The following FAM227B variants were observed in gnomAD, a reference collection of about 807,000 sequenced individuals.
FAM227B encodes protein FAM227B.
In FAM227B, 88 loss-of-function variants were observed where a neutral mutation model predicts 73.8. The ratio of observed to expected loss-of-function variants is 1.19; its 90% confidence interval spans 1.00 to 1.42. The LOEUF (loss-of-function observed/expected upper bound fraction) is 1.42, where lower values mean the gene tolerates loss of function less well. Among genes scored for constraint, FAM227B ranks in the 40% most tolerant of loss-of-function variants. The pLI is 0.00. For synonymous variants in FAM227B, 210 were observed against 190.5 expected (o/e 1.10, Z -0.84); for missense variants, 632 against 590.9 (o/e 1.07, Z -0.72).
At chr15:49,354,875 G>C (rs1476545760) in intron 13 of FAM227B, among the ~76,000 whole-genome samples, 2 of 152,002 alleles carry the variant, frequency 1.3e-5, no homozygotes, top group African/African-American at 2.4e-5. Flanking sequence ...GGTTCTCCCA[G>C]CATGCAGCTG....
chr15:49,536,346 A>C (rs541830445), intron 10 of FAM227B, among the ~76,000 whole-genome samples: 60 of 152,034 alleles, frequency 3.9e-4, no homozygotes, highest in African/African-American at 1.4e-3. Context: ...ATAACTATTT[A>C]AGAATAAATT....
chr15:49,466,582 A>G (rs1015894771), intron 11 of FAM227B, among the ~76,000 whole-genome samples: 1 of 152,168 alleles, frequency 6.6e-6, no homozygotes, highest in Non-Finnish European at 1.5e-5. Context: ...TTTATAACAT[A>G]TATCTTATGA....
chr15:49,462,514 T>A (rs2053894267), intron 11 of FAM227B, among the ~76,000 whole-genome samples: 2 of 152,208 alleles, frequency 1.3e-5, no homozygotes, highest in Non-Finnish European at 2.9e-5. Context: ...TGTTAAAAAG[T>A]CTCTACTGAT....
intron 11 of FAM227B, among the ~76,000 whole-genome samples, chr15:49,420,616 C>T (rs573980345): frequency 6.6e-6 from 1 of 152,064 alleles, no homozygotes; most frequent in Non-Finnish European, 1.5e-5. Flanking sequence ...GGATATGGAA[C>T]AGAATAAGAT....
chr15:49,605,472 A>T lies in FAM227B; in HGVS notation c.105+5743T>A, dbSNP rs561100345. Among the ~76,000 whole-genome samples, 35 of 152,304 alleles carry T rather than the reference A, an allele frequency of 2.3e-4. No individual in the cohort carries two copies. The South Asian group carries it at 7.3e-3, about 32-fold the overall frequency. On this transcript the variant is annotated intron_variant, in intron 3 of 15. Transcript: ENST00000299338. Reference sequence around the variant, plus strand: ...CACTTAATCTGTGGAGGCAGGACTGAAGCCTGGGTCCACAGGGGCCAACCT... The same window carrying T: ...CACTTAATCTGTGGAGGCAGGACTGTAGCCTGGGTCCACAGGGGCCAACCT...
intron 10 of FAM227B, among the ~76,000 whole-genome samples, chr15:49,514,109 A>G (rs1172835912): frequency 6.6e-6 from 1 of 152,118 alleles, no homozygotes; most frequent in East Asian, 1.9e-4. Flanking sequence ...TGAATTTTAA[A>G]GTAGTTTTTG....
intron 11 of FAM227B, among the ~76,000 whole-genome samples, chr15:49,501,742 T>C (rs541462172): frequency 6.6e-6 from 1 of 152,254 alleles, no homozygotes; most frequent in East Asian, 1.9e-4. Flanking sequence ...CAAGTGCTAA[T>C]AACCAAGACA....
chr15:49,441,309 A>G (rs1395785739), intron 11 of FAM227B, among the ~76,000 whole-genome samples: 3 of 151,824 alleles, frequency 2.0e-5, no homozygotes, highest in African/African-American at 7.2e-5. Context: ...CTGCAGTGTT[A>G]TAGGCTCATT....
At chr15:49,399,670 C>T (rs2151623864) in intron 11 of FAM227B, among the ~76,000 whole-genome samples, 1 of 150,186 alleles carries the variant, frequency 6.7e-6, no homozygotes, top group Admixed American at 6.7e-5. Context: ...TGGGCTTCAT[C>T]CCTGGGATGC....
intron 8 of FAM227B, among the ~76,000 whole-genome samples, chr15:49,570,150 A>G (rs2074986487): frequency 6.6e-6 from 1 of 152,066 alleles, no homozygotes. Flanking sequence ...ATGTATATCC[A>G]GAAGTGGGAT....
At chr15:49,425,826 A>T (rs1207660683) in intron 11 of FAM227B, among the ~76,000 whole-genome samples, 1 of 151,736 alleles carries the variant, frequency 6.6e-6, no homozygotes, top group Non-Finnish European at 1.5e-5. Flanking sequence ...TATTATTATT[A>T]CTGAGATTAA....
intron 11 of FAM227B, chr15:49,487,813 T>A (rs1380501239): frequency 6.6e-6 from 1 of 152,004 alleles, no homozygotes; most frequent in African/African-American, 2.4e-5. Context: ...TGCGTTAATA[T>A]GACAATGTCT....
intron 13 of FAM227B, among the ~76,000 whole-genome samples, chr15:49,350,464 A>G (rs1233355073): frequency 6.6e-6 from 1 of 152,236 alleles, no homozygotes; most frequent in East Asian, 1.9e-4. Flanking sequence ...ACTGGATCAC[A>G]TACTAATTCT....
At chr15:49,357,781 CAA>C (rs925412132) in intron 13 of FAM227B, among the ~76,000 whole-genome samples, 1 of 151,750 alleles carries the variant, frequency 6.6e-6, no homozygotes, top group South Asian at 2.1e-4. Flanking sequence ...AGAGACACAA[CAA>C]AAAAAGAGAA....
At chr15:49,404,575 G>A (rs1375616676) in intron 11 of FAM227B, among the ~76,000 whole-genome samples, 1 of 151,834 alleles carries the variant, frequency 6.6e-6, no homozygotes, top group African/African-American at 2.4e-5. Context: ...CTGACATTAG[G>A]ATTGCAACTC....
Position 49,369,900 on chromosome 15 carries a change from A to G in FAM227B, c.1110+1402T>C, listed in dbSNP as rs140443847. On this transcript the variant is annotated intron_variant, in intron 12 of 15. Coordinates refer to ENST00000299338, the MANE Select transcript of FAM227B (RefSeq NM_152647.3). ...AGAAATACTTATAAATAGTTTGGCC[A>G]TTGCTGAAGCAATATGATTTCAGAG... Among the ~76,000 whole-genome samples the G allele has an allele frequency of 5.7e-3, 862 of 152,336 alleles. 7 individuals are homozygous for G. Among genetic ancestry groups the G allele is most frequent in the African/African-American group, 0.02 (822 of 41,558 alleles).
chr15:49,447,521 T>C (rs16962483), intron 11 of FAM227B, among the ~76,000 whole-genome samples: 2,616 of 151,800 alleles, frequency 0.017, 93 homozygotes, highest in African/African-American at 0.06. Context: ...TGTGATTTAA[T>C]TACTAAGTCT....
chr15:49,519,039 T>C (rs1465534427), intron 10 of FAM227B, among the ~76,000 whole-genome samples: 1 of 152,158 alleles, frequency 6.6e-6, no homozygotes, highest in Non-Finnish European at 1.5e-5. Flanking sequence ...ATGGGAGAAG[T>C]TGGCCAAAGT....
In FAM227B at chr15:49,605,977, A is replaced by C. The variant is rs565351303; in HGVS notation, c.105+5238T>G. 2.3e-4 allele frequency among the ~76,000 whole-genome samples: 35 copies of C among 152,240 alleles called. No homozygotes were observed. The South Asian group carries it at 7.3e-3, about 32-fold the overall frequency. On this transcript the variant is annotated intron_variant, in intron 3 of 15. Coordinates refer to ENST00000299338, the MANE Select transcript of FAM227B (RefSeq NM_152647.3). ...CAGTCCTCTTGCTGCGGTCCACGGC[A>C]AAGTTATGTGCTCACTTCATTCTCC...
Sources: gnomAD v4.1 joint callset for allele counts (sites outside exome capture counted in the v4.1 genomes callset) on GRCh38, gnomAD v4.1.1 for gene constraint, MANE v1.5 for transcripts, NCBI Gene and HGNC (gene_info 2026-07-23, HGNC 2026-07-21) for gene names.